Variants in SP6 observed in about 807,000 individuals in gnomAD.
SP6 encodes the protein transcription factor Sp6.
In SP6, 10 loss-of-function variants were observed where a neutral mutation model predicts 23.4. The observed-to-expected ratio is 0.43, with a 90% CI of 0.26 to 0.72. SP6 has a LOEUF of 0.72. SP6 is among the 30% of genes least tolerant of loss of function. The pLI is 0.23. For missense variants in SP6, 482 were observed against 523.8 expected, an observed-to-expected ratio of 0.92 and a Z score of 0.78; for synonymous variants, 238 against 238.7, an observed-to-expected ratio of 1.00 and a Z score of 0.03.
chr17:47,866,946 C>T, the SP6 span, among the ~76,000 whole-genome samples: 2 of 151,956 alleles, frequency 1.3e-5, no homozygotes, highest in African/African-American at 2.4e-5. Flanking sequence ...AGGAGAGGAT[C>T]GTGTCCAGGC....
chr17:47,862,362 A>AG, the SP6 span, among the ~76,000 whole-genome samples: 1 of 149,424 alleles, frequency 6.7e-6, no homozygotes, highest in Admixed American at 6.6e-5. Context: ...AAAAAAAAAA[A>AG]TTGGGTGTGG....
chr17:47,871,525 C>T, the SP6 span, among the ~76,000 whole-genome samples: 1 of 152,086 alleles, frequency 6.6e-6, no homozygotes, highest in Non-Finnish European at 1.5e-5. Flanking sequence ...AAGTGAAAAC[C>T]TCTCCATTTC....
chr17:47,871,525 C>A, the SP6 span, among the ~76,000 whole-genome samples: 1 of 152,086 alleles, frequency 6.6e-6, no homozygotes, highest in Admixed American at 6.5e-5. Context: ...AAGTGAAAAC[C>A]TCTCCATTTC....
chr17:47,875,380 G>A, the SP6 span, among the ~76,000 whole-genome samples: 4 of 152,034 alleles, frequency 2.6e-5, no homozygotes, highest in African/African-American at 9.7e-5. Context: ...TGTTAACATC[G>A]TAGGCTGCCC....
chr17:47,871,188 T>G, the SP6 span, among the ~76,000 whole-genome samples: 1 of 152,326 alleles, frequency 6.6e-6, no homozygotes. Flanking sequence ...CAGAAGCCCA[T>G]CCTATATCCC....
the SP6 span, among the ~76,000 whole-genome samples, chr17:47,870,234 C>G: frequency 6.6e-6 from 1 of 152,170 alleles, no homozygotes; most frequent in Non-Finnish European, 1.5e-5. Flanking sequence ...GGGATCCCTG[C>G]TGTCCTCTGC....
the SP6 span, among the ~76,000 whole-genome samples, chr17:47,868,012 A>G: frequency 6.6e-6 from 1 of 152,056 alleles, no homozygotes; most frequent in African/African-American, 2.4e-5. Flanking sequence ...GCACATGCGC[A>G]CACACATGCA....
upstream of SP6, among the ~76,000 whole-genome samples, chr17:47,853,224 T>G (rs1006501876): frequency 6.6e-6 from 1 of 152,234 alleles, no homozygotes; most frequent in Non-Finnish European, 1.5e-5. Context: ...TCTTGTTACT[T>G]GGGGCTCTGG....
At chr17:47,861,857 GCAACATAGC>G in the SP6 span, among the ~76,000 whole-genome samples, 1 of 151,930 alleles carries the variant, frequency 6.6e-6, no homozygotes, top group Non-Finnish European at 1.5e-5. Flanking sequence ...ACCAGCTTGG[GCAACATAGC>G]CAGACCCCAT....
chr17:47,849,094 C>T (rs1474565649), intron 1 of SP6, among the ~76,000 whole-genome samples: 1 of 152,164 alleles, frequency 6.6e-6, no homozygotes, highest in African/African-American at 2.4e-5. Context: ...TCACATCGGG[C>T]CCACTAAACC....
the SP6 span, among the ~76,000 whole-genome samples, chr17:47,861,869 G>A: frequency 6.6e-6 from 1 of 151,830 alleles, no homozygotes; most frequent in Non-Finnish European, 1.5e-5. Context: ...AACATAGCCA[G>A]ACCCCATTTC....
At chr17:47,869,863 T>A in the SP6 span, among the ~76,000 whole-genome samples, 7 of 152,356 alleles carry the variant, frequency 4.6e-5, no homozygotes, top group East Asian at 1.3e-3. Flanking sequence ...TGTTCTATAT[T>A]TATAACACTT....
At chr17:47,874,986 T>C in the SP6 span, among the ~76,000 whole-genome samples, 1 of 152,098 alleles carries the variant, frequency 6.6e-6, no homozygotes, top group South Asian at 2.1e-4. Flanking sequence ...CTCTCCCAAG[T>C]CTTCACTGAC....
Position 47,847,723 on chromosome 17 carries a change from G to T in SP6, c.707C>A (p.Ala236Glu). The change falls in exon 2 of 2, where the codon GCG (alanine) becomes GAG (glutamate). Residue 236 changes from alanine to glutamate, a missense_variant. By Grantham distance (107) the Ala-to-Glu change is moderately radical. Around this residue, in one of 3 missense-constraint regions of SP6, gnomAD observed 330 missense variants for 332.3 expected, o/e 0.99. Transcript: ENST00000536300. ...TVCRCPNCLE[A>E]ERLGAPCGPD... The stretch of plus-strand genomic sequence containing the variant: ...CCCACATGGAGCCCCCAGTCGCTCC[G>T]CCTCCAGACAGTTGGGGCAGCGACA... The T allele has an allele frequency of 1.3e-6, 2 of 1,595,708 alleles. No homozygotes were observed. Among genetic ancestry groups the T allele is most frequent in the South Asian group, 1.1e-5 (1 of 88,832 alleles).
At chr17:47,850,406 T>G (rs150741973) in intron 1 of SP6, among the ~76,000 whole-genome samples, 11 of 152,182 alleles carry the variant, frequency 7.2e-5, no homozygotes, top group Non-Finnish European at 1.6e-4. Flanking sequence ...GGGGCAGGTC[T>G]TGGGGGTGAT....
the SP6 span, among the ~76,000 whole-genome samples, chr17:47,863,662 G>A: frequency 1.3e-5 from 2 of 148,538 alleles, no homozygotes; most frequent in African/African-American, 2.5e-5. Context: ...TCTGCCTCCC[G>A]GGTCCAAGCA....
chr17:47,866,750 C>CCCA, the SP6 span, among the ~76,000 whole-genome samples: 2 of 152,300 alleles, frequency 1.3e-5, no homozygotes, highest in East Asian at 3.9e-4. Context: ...GAAAGAGGGA[C>CCCA]CCACCACCTG....
At chr17:47,858,165 C>T (rs75755423), upstream of SP6, among the ~76,000 whole-genome samples, 1,454 of 152,130 alleles carry the variant, frequency 9.6e-3, 25 homozygotes, top group African/African-American at 0.032. Flanking sequence ...TTCCTCCCTC[C>T]GGCCCCCATC....
chr17:47,864,132 C>G, the SP6 span, among the ~76,000 whole-genome samples: 1 of 151,838 alleles, frequency 6.6e-6, no homozygotes, highest in Non-Finnish European at 1.5e-5. Context: ...GCGTGAGCCA[C>G]CACGCCTGGC....
Sources: gnomAD v4.1 joint callset for allele counts (sites outside exome capture counted in the v4.1 genomes callset) on GRCh38, gnomAD v4.1.1 for gene constraint, gnomAD v4.1.1 regional missense constraint, MANE v1.5 for transcripts, NCBI Gene and HGNC (gene_info 2026-07-23, HGNC 2026-07-21) for gene names.